The following LUC7L variants were observed in gnomAD, a reference collection of about 807,000 sequenced individuals.
LUC7L encodes putative RNA-binding protein Luc7-like 1.
A neutral mutation model predicts 51.1 loss-of-function variants in LUC7L; 29 were observed. The observed-to-expected ratio is 0.57, with a 90% CI of 0.42 to 0.77. The LOEUF is 0.77. Ranked by LOEUF, LUC7L falls within the 30% of genes least tolerant of loss-of-function variation. The probability of loss-of-function intolerance (pLI) is 0.00; values close to 1 mark genes in which losing one functional copy is unlikely to be tolerated. For missense variants in LUC7L, 403 were observed against 511.9 expected, an observed-to-expected ratio of 0.79 and a Z score of 2.05; for synonymous variants, 181 against 180.7, an observed-to-expected ratio of 1.00 and a Z score of -0.01.
At chr16:199,009 A>T (rs1229326929) in intron 6 of LUC7L, 53 bp downstream of exon 6, 1 of 1,495,154 alleles carries the variant, frequency 6.7e-7, no homozygotes, top group African/African-American at 1.4e-5. Flanking sequence ...AATTAAAGAA[A>T]TGTGAAAACA....
chr16:196,601 C>T (rs1172985754), intron 6 of LUC7L, among the ~76,000 whole-genome samples: 1 of 152,002 alleles, frequency 6.6e-6, no homozygotes, highest in East Asian at 1.9e-4. Context: ...GATTTCGGCT[C>T]ACTGCAACCT....
chr16:211,158 C>T (rs971780819), intron 3 of LUC7L, among the ~76,000 whole-genome samples: 1 of 151,716 alleles, frequency 6.6e-6, no homozygotes, highest in Non-Finnish European at 1.5e-5. Context: ...TGGTGAAACC[C>T]CATCTCTACT....
intron 3 of LUC7L, among the ~76,000 whole-genome samples, chr16:219,601 C>G (rs1033199441): frequency 6.6e-6 from 1 of 151,222 alleles, no homozygotes; most frequent in East Asian, 2.0e-4. Context: ...AAGCTAGGCA[C>G]GGTGGCTCAA....
At chr16:220,253 G>A (rs1168485667) in intron 3 of LUC7L, 2 of 155,502 alleles carry the variant, frequency 1.3e-5, no homozygotes, top group African/African-American at 4.8e-5. Context: ...AAGATCGTTT[G>A]AGAATTATTC....
chr16:222,367 T>G (rs940371471), intron 2 of LUC7L, among the ~76,000 whole-genome samples: 7 of 148,032 alleles, frequency 4.7e-5, no homozygotes, highest in Admixed American at 3.4e-4. Flanking sequence ...CCAGTTGCAG[T>G]GGCACATGTC....
chr16:212,487 G>A (rs1346931499), intron 3 of LUC7L, among the ~76,000 whole-genome samples: 1 of 152,150 alleles, frequency 6.6e-6, no homozygotes, highest in Non-Finnish European at 1.5e-5. Flanking sequence ...ATGAAAAAAA[G>A]AAGGTGAAAT....
At position 207,728 on chromosome 16, in the gene LUC7L, C is replaced by T. The variant is rs150679446; in HGVS notation, c.366+350G>A. 2.7e-3 allele frequency among the ~76,000 whole-genome samples: 414 copies of T among 152,150 alleles called. 3 individuals are homozygous for T. The highest frequency in any genetic ancestry group is 0.01 in the Middle Eastern group (3 of 294). ...AGGGTCAGTTAATAGCTATTGACAA[C>T]GCCGGGCGCGGTGGCTCACGCCTGT... On this transcript the variant is annotated intron_variant, in intron 4 of 9. Transcript: ENST00000293872.
At chr16:201,019 A>C (rs1161248600) in intron 5 of LUC7L, among the ~76,000 whole-genome samples, 2 of 151,664 alleles carry the variant, frequency 1.3e-5, no homozygotes, top group African/African-American at 4.8e-5. Flanking sequence ...AATACAAAAA[A>C]ATTAGCTGGG....
chr16:192,851 A>C, intron 7 of LUC7L, 76 bp downstream of exon 7: 1 of 1,317,520 alleles, frequency 7.6e-7, no homozygotes, highest in Non-Finnish European at 1.1e-6. Context: ...TGCCTATTCC[A>C]AGCAACAGTG....
chr16:213,917 T>C (rs2049715226), intron 3 of LUC7L, among the ~76,000 whole-genome samples: 1 of 151,826 alleles, frequency 6.6e-6, no homozygotes, highest in South Asian at 2.1e-4. Flanking sequence ...GGTCTCACTA[T>C]CTTGGCCAGG....
chr16:225,578 G>C (rs1011044684), intron 2 of LUC7L, among the ~76,000 whole-genome samples: 1 of 141,192 alleles, frequency 7.1e-6, no homozygotes, highest in Admixed American at 7.4e-5. Context: ...CCTCTGCCTC[G>C]CGGGTTCAAG....
intron 6 of LUC7L, among the ~76,000 whole-genome samples, chr16:194,471 G>A (rs575420943): frequency 2.0e-5 from 3 of 152,228 alleles, no homozygotes; most frequent in South Asian, 2.1e-4. Context: ...TAACTCACAG[G>A]GAATTGATCA....
In LUC7L at chr16:190,002, G is replaced by T. The variant is rs753623498; in HGVS notation, c.940C>A (p.Arg314Ser). Residue 314 changes from arginine (R) to serine (S), a missense_variant, in exon 9 of 10, where the codon CGT becomes AGT. Transcript: ENST00000293872. Reference sequence around the variant, plus strand: ...GCACTTCGGTCCCGGGAAGCCCGACGATGTCCCCGGCTGTGGCTCCGGGAA... The same window carrying T: ...GCACTTCGGTCCCGGGAAGCCCGACTATGTCCCCGGCTGTGGCTCCGGGAA... ...SRSRSHSRGHRRASRDRSAKY... is the reference protein window; with the variant it reads ...SRSRSHSRGHSRASRDRSAKY... 2 of 1,613,746 alleles carry T rather than the reference G, an allele frequency of 1.2e-6. No homozygotes were observed. The highest frequency in any genetic ancestry group is 1.3e-5 in the African/African-American group (1 of 74,922).
At position 229,122 on chromosome 16, in the gene LUC7L, G is replaced by A. The variant is rs1223108390; in HGVS notation, c.61+157C>T. 8 of 1,409,370 alleles carry A rather than the reference G, an allele frequency of 5.7e-6. No homozygotes were observed. The East Asian group carries it at 1.4e-4, about 25-fold the overall frequency. The allele number at this position is 1,409,370 out of a possible 1,614,324, so 87.3% of individuals were successfully genotyped here. The stretch of plus-strand genomic sequence containing the variant: ...GCCGCCTCAGAGACGCACCGGCTTA[G>A]ACAAAGGCCCGGCGCCTGCGGTCGG... On this transcript the variant is annotated intron_variant, in intron 1 of 9. Coordinates refer to ENST00000293872, the MANE Select transcript of LUC7L (RefSeq NM_201412.3).
At chr16:199,295 T>C in intron 5 of LUC7L, 57 bp from the exon 6 acceptor site, 1 of 1,095,084 alleles carries the variant, frequency 9.1e-7, no homozygotes, top group Non-Finnish European at 1.3e-6. Flanking sequence ...CACCACAAAT[T>C]CAATCTCCAA....
intron 5 of LUC7L, 72 bp downstream of exon 5, chr16:205,932 C>T: frequency 6.5e-7 from 1 of 1,527,196 alleles, no homozygotes. Flanking sequence ...AGCATGGGCT[C>T]AATTAATTCC....
intron 5 of LUC7L, among the ~76,000 whole-genome samples, chr16:200,691 G>A (rs549460732): frequency 1.3e-5 from 2 of 152,248 alleles, no homozygotes; most frequent in Admixed American, 1.3e-4. Flanking sequence ...AGATCACCCT[G>A]AGCAACACAG....
Position 189,782 on chromosome 16 carries a change from G to A in LUC7L, c.974+186C>T, listed in dbSNP as rs973921050. 27 of 1,415,918 alleles carry A rather than the reference G, an allele frequency of 1.9e-5. No individual in the cohort carries two copies. The African/African-American group carries it at 2.6e-4, about 14-fold the overall frequency. 87.7% of individuals were successfully genotyped at this position (1,415,918 alleles called of 1,614,324 possible). On this transcript the variant is annotated intron_variant, in intron 9 of 9. Coordinates refer to ENST00000293872, the MANE Select transcript of LUC7L (RefSeq NM_201412.3). ...GTGCCTGTGCAGCCCATCACCTGGC[G>A]CCGTGCGAGCTCCTCCACAGCCCTC...
chr16:206,810 G>A (rs977160794), intron 4 of LUC7L, among the ~76,000 whole-genome samples: 8 of 148,324 alleles, frequency 5.4e-5, no homozygotes, highest in African/African-American at 2.0e-4. Flanking sequence ...TGTAATCCCA[G>A]CACTTCGGGA....
Sources: allele counts gnomAD v4.1 joint callset (sites outside exome capture counted in the v4.1 genomes callset), GRCh38; gene constraint gnomAD v4.1.1; transcripts MANE v1.5; gene names NCBI Gene and HGNC (gene_info 2026-07-23, HGNC 2026-07-21).